Variants in PUS7 observed in about 807,000 individuals in gnomAD.
PUS7 encodes pseudouridine synthase 7, also known as pseudouridylate synthase 7 homolog.
PUS7 carries 48 observed loss-of-function variants against 79.8 expected under a neutral mutation model. The ratio of observed to expected loss-of-function variants is 0.60; its 90% CI spans 0.48 to 0.76. The LOEUF (loss-of-function observed/expected upper bound fraction) is 0.76. Ranked by LOEUF, PUS7 falls within the 30% of genes least tolerant of loss-of-function variation. The pLI, the probability that PUS7 is intolerant of heterozygous loss-of-function variation, is 0.00. For missense variants in PUS7, 729 were observed against 797.6 expected (o/e 0.91, Z 1.04); for synonymous variants, 286 against 272.2 (o/e 1.05, Z -0.50).
At chr7:105,506,343 A>T in intron 2 of PUS7, 70 bp from the exon 3 acceptor site, 1 of 1,104,144 alleles carries the variant, frequency 9.1e-7, no homozygotes, top group Non-Finnish European at 1.4e-6. Flanking sequence ...GATAAAGTTG[A>T]TCAACAGCAA....
rs1337988039 is a variant in PUS7 at position 105,457,043 on chromosome 7, G to C, written c.*747C>G. On this transcript the variant is annotated 3_prime_UTR_variant, in exon 16 of 16. Coordinates refer to ENST00000469408, the MANE Select transcript of PUS7 (RefSeq NM_019042.5). ...CTACTTAGGAGGCTGAGGTGGGAGAGTCACTGGAGCCTGGGAGGTCGAGGC... is the reference window on the plus strand; with the variant it reads ...CTACTTAGGAGGCTGAGGTGGGAGACTCACTGGAGCCTGGGAGGTCGAGGC... 2.6e-5 allele frequency: 4 copies of C among 152,050 alleles called. No individual in the cohort carries two copies. Among genetic ancestry groups the C allele is most frequent in the Non-Finnish European group, 5.9e-5 (4 of 68,032 alleles). 9.4% of individuals were successfully genotyped at this position (152,050 alleles called of 1,614,324 possible). A position where few individuals can be genotyped will look rare whatever the true frequency, so the allele number is the denominator to read the frequency against.
intron 2 of PUS7, among the ~76,000 whole-genome samples, chr7:105,507,475 T>C (rs1194444260): frequency 6.6e-6 from 1 of 151,980 alleles, no homozygotes; most frequent in African/African-American, 2.4e-5. Flanking sequence ...CACATTCAAA[T>C]GAAAAAAGAG....
chr7:105,502,592 A>C (rs770637224), intron 4 of PUS7, 28 bp from the exon 5 acceptor site: 1 of 1,609,198 alleles, frequency 6.2e-7, no homozygotes, highest in Non-Finnish European at 8.5e-7. Context: ...TAGCAATACC[A>C]CCAAGTTAAC....
rs775011521 is a variant in PUS7 at position 105,472,141 on chromosome 7, G to A, written c.1228C>T (p.Arg410Cys). 1.5e-5 allele frequency: 24 copies of A among 1,594,320 alleles called. No homozygotes were observed. Among genetic ancestry groups the A allele is most frequent in the African/African-American group, 8.1e-5 (6 of 74,362 alleles). ...TEVMDLILKP[R>C]SGAEKGYLVK... is the part of the protein sequence containing the mutation. ...TGAATTTTATTCTCACCTCCAGAGCGGGGTTTCAATATTAAATCCATGACT... is the reference window on the plus strand; with the variant it reads ...TGAATTTTATTCTCACCTCCAGAGCAGGGTTTCAATATTAAATCCATGACT... Residue 410 changes from arginine (R) to cysteine (C), a missense_variant, in exon 10 of 16, where the codon CGC (arginine) becomes TGC (cysteine). Coordinates refer to ENST00000469408, the MANE Select transcript of PUS7 (RefSeq NM_019042.5).
intron 9 of PUS7, among the ~76,000 whole-genome samples, chr7:105,473,670 C>G (rs986696142): frequency 6.6e-6 from 1 of 151,802 alleles, no homozygotes; most frequent in African/African-American, 2.4e-5. Flanking sequence ...CCGCCTGCCT[C>G]GGCCTCCCAA....
chr7:105,520,157 C>T (rs928223751), intron 1 of PUS7, among the ~76,000 whole-genome samples: 13 of 152,016 alleles, frequency 8.6e-5, no homozygotes, highest in African/African-American at 2.9e-4. Flanking sequence ...AACCCCGTCT[C>T]TACTAAAAAT....
intron 1 of PUS7, among the ~76,000 whole-genome samples, chr7:105,518,600 C>T (rs1825985824): frequency 6.6e-6 from 1 of 151,960 alleles, no homozygotes; most frequent in Non-Finnish European, 1.5e-5. Context: ...CAGGGTTTTG[C>T]CATGTTGCCC....
chr7:105,488,643 A>G (rs931684029), intron 7 of PUS7, among the ~76,000 whole-genome samples: 1 of 152,270 alleles, frequency 6.6e-6, no homozygotes, highest in South Asian at 2.1e-4. Context: ...AGTTTAAATT[A>G]GGATATATCC....
chr7:105,470,421 G>C (rs942952572), intron 11 of PUS7: 1 of 309,650 alleles, frequency 3.2e-6, no homozygotes, highest in Non-Finnish European at 5.9e-6. Flanking sequence ...AATACCAAGA[G>C]ACTTAATTTA....
rs1250430530 is a variant in PUS7 at position 105,495,371 on chromosome 7, C to T, written c.731-118G>A. On this transcript the variant is annotated intron_variant, in intron 5 of 15. Coordinates refer to ENST00000469408, the MANE Select transcript of PUS7 (RefSeq NM_019042.5). ...TCAGTTCTAGTCTGATAAAGAAATA[C>T]AGGTTAAGTGGTTATAGCTGTGTGG... The T allele has an allele frequency of 7.8e-6, 5 of 642,704 alleles. No individual in the cohort carries two copies. In the African/African-American group the frequency reaches 9.2e-5, roughly 12 times the overall value. 39.8% of individuals were successfully genotyped at this position (642,704 alleles called of 1,614,324 possible).
At chr7:105,481,734 C>CTT (rs60700481) in intron 8 of PUS7, among the ~76,000 whole-genome samples, 8 of 143,082 alleles carry the variant, frequency 5.6e-5, no homozygotes, top group Middle Eastern at 3.6e-3. Context: ...GGCTCAGTGT[C>CTT]TTTTTTTTTT....
At chr7:105,503,789 T>C (rs1173284810) in intron 4 of PUS7, among the ~76,000 whole-genome samples, 1 of 151,976 alleles carries the variant, frequency 6.6e-6, no homozygotes, top group East Asian at 1.9e-4. Flanking sequence ...TGTGCCTCCA[T>C]GCCCAGCTAA....
chr7:105,459,751 C>A (rs1054063570), intron 14 of PUS7, among the ~76,000 whole-genome samples: 1 of 151,664 alleles, frequency 6.6e-6, no homozygotes, highest in African/African-American at 2.4e-5. Context: ...TAGGCTCAAT[C>A]CAATTATATT....
At chr7:105,510,350 T>C (rs1384686705) in intron 1 of PUS7, among the ~76,000 whole-genome samples, 2 of 152,082 alleles carry the variant, frequency 1.3e-5, no homozygotes, top group Non-Finnish European at 2.9e-5. Flanking sequence ...CCACGCTTAC[T>C]GACATGAAAG....
At chr7:105,477,208 G>A (rs1017011088) in intron 9 of PUS7, among the ~76,000 whole-genome samples, 2 of 152,152 alleles carry the variant, frequency 1.3e-5, no homozygotes, top group East Asian at 1.9e-4. Context: ...CATAAGTGCA[G>A]CTCTTATGTT....
chr7:105,483,574 C>G (rs1156812806), intron 7 of PUS7, among the ~76,000 whole-genome samples: 1 of 152,202 alleles, frequency 6.6e-6, no homozygotes, highest in Non-Finnish European at 1.5e-5. Flanking sequence ...GCTGCGATTA[C>G]AGGCGTGAGA....
At chr7:105,508,013 G>T (rs55700120) in intron 2 of PUS7, 102 bp downstream of exon 2, 226,554 of 1,395,088 alleles carry the variant, frequency 0.16, 20,514 homozygotes, top group South Asian at 0.25. Flanking sequence ...GTATAAACAA[G>T]CCTTGGAGAT....
chr7:105,464,226 AT>A (rs1586089200), intron 13 of PUS7, among the ~76,000 whole-genome samples: 1 of 110,248 alleles, frequency 9.1e-6, no homozygotes, highest in East Asian at 2.9e-4. Flanking sequence ...ATGATAGTTG[AT>A]TTTGGGTGTC....
rs867472303 is a variant in PUS7, at chr7:105,514,012, C to T, written c.-32-5468G>A. Among the ~76,000 whole-genome samples, 4 of 130,966 alleles carry T rather than the reference C, an allele frequency of 3.1e-5. 1 individual carries two copies. The highest frequency in any genetic ancestry group is 4.9e-5 in the Non-Finnish European group (3 of 60,854). The allele number at this position is 130,966 out of a possible 152,430, so 85.9% of individuals were successfully genotyped here. A position where few individuals can be genotyped will look rare whatever the true frequency, so the allele number is the denominator to read the frequency against. ...TGGATCGCCAAGGCAGGCCGGATCACGAAGTCAGGAGATCGAAACCAACCT... is the reference window on the plus strand; with the variant it reads ...TGGATCGCCAAGGCAGGCCGGATCATGAAGTCAGGAGATCGAAACCAACCT... On this transcript the variant is annotated intron_variant, in intron 1 of 15. Transcript: ENST00000469408.
Sources: gnomAD v4.1 joint callset for allele counts (sites outside exome capture counted in the v4.1 genomes callset) on GRCh38, gnomAD v4.1.1 for gene constraint, MANE v1.5 for transcripts, NCBI Gene and HGNC (gene_info 2026-07-23, HGNC 2026-07-21) for gene names.